Variants in DLC1 observed in about 807,000 individuals in gnomAD.
The protein encoded by DLC1 is rho GTPase-activating protein 7.
DLC1 carries 54 observed loss-of-function variants against 140.3 expected under a neutral mutation model. That is an observed-to-expected ratio of 0.38 (90% CI 0.31 to 0.48). The LOEUF (loss-of-function observed/expected upper bound fraction) is 0.48, where lower values mean the gene tolerates loss of function less well. DLC1 is among the 20% of genes least tolerant of loss of function. The pLI is 0.96. For synonymous variants in DLC1, 986 were observed against 728.1 expected (o/e 1.35, Z -5.70); for missense variants, 2,536 against 1,907.0 (o/e 1.33, Z -6.14).
intron 2 of DLC1, among the ~76,000 whole-genome samples, chr8:13,403,850 A>T (rs1837409214): frequency 7.6e-6 from 1 of 132,262 alleles, no homozygotes; most frequent in African/African-American, 2.9e-5. Flanking sequence ...GTAGAGACAG[A>T]ATTTTGCCAT....
chr8:13,461,330 A>T (rs1799646569), intron 2 of DLC1, among the ~76,000 whole-genome samples: 1 of 152,220 alleles, frequency 6.6e-6, no homozygotes, highest in Admixed American at 6.5e-5. Context: ...CTTTACATGA[A>T]AATTTGGTAT....
chr8:13,582,364 T>C (rs1805135184), intron 1 of DLC1, among the ~76,000 whole-genome samples: 1 of 152,222 alleles, frequency 6.6e-6, no homozygotes, highest in African/African-American at 2.4e-5. Context: ...GTATTAATCC[T>C]GGGTGTGTCT....
intron 4 of DLC1, among the ~76,000 whole-genome samples, chr8:13,338,152 C>A (rs1428442525): frequency 6.6e-6 from 1 of 152,114 alleles, no homozygotes; most frequent in Non-Finnish European, 1.5e-5. Context: ...TGCTTTTGAC[C>A]TTAGATGGGA....
Position 13,085,755 on chromosome 8 carries a change from C to A in DLC1, c.*56G>T. 23 of 1,608,834 alleles carry A rather than the reference C, an allele frequency of 1.4e-5. No homozygotes were observed. The highest frequency in any genetic ancestry group is 1.8e-5 in the Non-Finnish European group (21 of 1,176,960). ...ACAGAACCCATTCTTCAAGGACTGG[C>A]AAAAGTTCTAGAAACAAACACCATG... On this transcript the variant is annotated 3_prime_UTR_variant, in exon 18 of 18. Transcript: ENST00000276297.
At chr8:13,447,503 T>C (rs951124140) in intron 2 of DLC1, among the ~76,000 whole-genome samples, 2 of 152,202 alleles carry the variant, frequency 1.3e-5, no homozygotes, top group Non-Finnish European at 2.9e-5. Context: ...GTAAGGAAGA[T>C]GGGATTTTTG....
intron 5 of DLC1, among the ~76,000 whole-genome samples, chr8:13,161,725 C>G (rs1464882359): frequency 6.6e-6 from 1 of 152,170 alleles, no homozygotes; most frequent in Non-Finnish European, 1.5e-5. Context: ...TCTCACATCC[C>G]TTGGAGAGAA....
intron 5 of DLC1, among the ~76,000 whole-genome samples, chr8:13,198,114 A>T (rs1008782759): frequency 6.6e-6 from 1 of 152,154 alleles, no homozygotes; most frequent in East Asian, 1.9e-4. Flanking sequence ...GGAAAAAAAA[A>T]AATTAAGTCA....
At chr8:13,116,287 C>A (rs1820553607) in intron 5 of DLC1, 1 of 945,174 alleles carries the variant, frequency 1.1e-6, no homozygotes, top group South Asian at 4.9e-5. Context: ...AATAAAGCTT[C>A]TACCTCCCTG....
intron 4 of DLC1, among the ~76,000 whole-genome samples, chr8:13,348,123 T>G (rs957736679): frequency 1.5e-4 from 18 of 123,560 alleles, no homozygotes; most frequent in Non-Finnish European, 2.3e-4. Flanking sequence ...ACAAACAAAC[T>G]TCCTGGAGAA....
rs183388585 is a variant in DLC1 at position 13,493,779 on chromosome 8, A to G, written c.1023+5270T>C. ...TTTGGTTCATTCCATTTTCTGCACA[A>G]TTTACTATCTTCTTTATGTCACCCA... On this transcript the variant is annotated intron_variant, in intron 2 of 17. Transcript: ENST00000276297. Among the ~76,000 whole-genome samples the G allele has an allele frequency of 1.2e-4, 18 of 152,176 alleles. No homozygotes were observed. The East Asian group carries it at 2.3e-3, about 20-fold the overall frequency.
intron 2 of DLC1, among the ~76,000 whole-genome samples, chr8:13,466,571 C>T (rs762705217): frequency 2.0e-5 from 3 of 152,102 alleles, no homozygotes; most frequent in Admixed American, 1.3e-4. Flanking sequence ...GATACTAGGC[C>T]GTCTACCTAA....
intron 5 of DLC1, among the ~76,000 whole-genome samples, chr8:13,163,967 C>T (rs78450418): frequency 0.016 from 2,468 of 151,900 alleles, 67 homozygotes; most frequent in African/African-American, 0.056. Flanking sequence ...ACTGCTATTG[C>T]ACTCCAGCCT....
intron 1 of DLC1, among the ~76,000 whole-genome samples, chr8:13,502,737 A>T (rs1041588692): frequency 1.3e-5 from 2 of 149,972 alleles, no homozygotes; most frequent in Non-Finnish European, 2.9e-5. Flanking sequence ...CAAAAAACTG[A>T]CTACTTATTT....
intron 5 of DLC1, chr8:13,276,120 AAC>A: frequency 8.0e-7 from 1 of 1,253,224 alleles, no homozygotes; most frequent in Non-Finnish European, 1.1e-6. Context: ...AGGGAGACCG[AAC>A]ACACTGCCAT....
chr8:13,279,593 A>G (rs1376337339), intron 5 of DLC1, among the ~76,000 whole-genome samples: 3 of 152,210 alleles, frequency 2.0e-5, no homozygotes, highest in African/African-American at 7.2e-5. Flanking sequence ...GCCAACGTAG[A>G]GCTGACAATT....
chr8:13,274,492 G>C (rs1042768458), intron 5 of DLC1, among the ~76,000 whole-genome samples: 5 of 152,158 alleles, frequency 3.3e-5, no homozygotes, highest in African/African-American at 1.2e-4. Context: ...TGCTAGAGTT[G>C]TGAAAACATT....
In DLC1 at chr8:13,214,536, G is replaced by A. The variant is rs905367250; in HGVS notation, c.1348+90733C>T. ...TATTGTCACATCTTACTGAAGAGCT[G>A]TCCCCCGGCCCCAACCCCACCTTTT... is the stretch of plus-strand genomic sequence containing the variant. On this transcript the variant is annotated intron_variant, in intron 5 of 17. Transcript: ENST00000276297. 4.4e-6 allele frequency: 3 copies of A among 688,610 alleles called. No homozygotes were observed. In the African/African-American group the frequency reaches 5.5e-5, roughly 13 times the overall value. 42.7% of individuals were successfully genotyped at this position (688,610 alleles called of 1,614,324 possible). A position where few individuals can be genotyped will look rare whatever the true frequency, so the allele number is the denominator to read the frequency against.
intron 2 of DLC1, among the ~76,000 whole-genome samples, chr8:13,475,393 C>G (rs1468867826): frequency 6.6e-6 from 1 of 151,984 alleles, no homozygotes; most frequent in African/African-American, 2.4e-5. Context: ...TTTTGAGGGC[C>G]CAGTAAAAGG....
At chr8:13,555,365 A>G (rs1410915007) in intron 1 of DLC1, among the ~76,000 whole-genome samples, 4 of 152,198 alleles carry the variant, frequency 2.6e-5, no homozygotes, top group Non-Finnish European at 5.9e-5. Context: ...TGGAAGAAAA[A>G]TGGTGGAAAA....
Sources: gnomAD v4.1 joint callset for allele counts (sites outside exome capture counted in the v4.1 genomes callset) on GRCh38, gnomAD v4.1.1 for gene constraint, MANE v1.5 for transcripts, NCBI Gene and HGNC (gene_info 2026-07-23, HGNC 2026-07-21) for gene names.